Variants in PRKCH observed in about 807,000 individuals in gnomAD.
PRKCH encodes protein kinase C eta type.
In PRKCH, 28 loss-of-function variants were observed where a neutral mutation model predicts 82.5. That is an observed-to-expected ratio of 0.34 (90% CI 0.25 to 0.47). The LOEUF (loss-of-function observed/expected upper bound fraction) is 0.47. PRKCH is among the 20% of genes least tolerant of loss of function. The pLI is 1.00. For missense variants in PRKCH, 705 were observed against 881.8 expected, an observed-to-expected ratio of 0.80 and a Z score of 2.54; for synonymous variants, 322 against 327.4, an observed-to-expected ratio of 0.98 and a Z score of 0.18.
At position 61,322,339 on chromosome 14, in the gene PRKCH, G is replaced by T; in HGVS notation, c.238G>T (p.Gly80Cys). 6.2e-7 allele frequency: 1 copy of T among 1,613,174 alleles called. No homozygotes were observed. The highest frequency in any genetic ancestry group is 8.5e-7 in the Non-Finnish European group (1 of 1,179,894). ...GTTTTGCGCTAACGTCACCGACGGC[G>T]GCCACCTCGAGTTGGCCGTCTTCCA... ...EEFCANVTDG[G>C]HLELAVFHET... The change falls in exon 1 of 14, where the codon GGC (glycine) becomes TGC (cysteine). Residue 80 changes from glycine (G) to cysteine (C), a missense_variant. By Grantham distance (159) the Gly-to-Cys change is radical. Coordinates refer to ENST00000332981, the MANE Select transcript of PRKCH (RefSeq NM_006255.5).
chr14:61,217,681 CAGA>C (rs1185828047), intron 1 of PRKCH, among the ~76,000 whole-genome samples: 1 of 152,072 alleles, frequency 6.6e-6, no homozygotes, highest in East Asian at 1.9e-4. Flanking sequence ...TGATGTGTAC[CAGA>C]AGAAGTTGGG....
chr14:61,492,672 T>C (rs777143764), intron 10 of PRKCH, among the ~76,000 whole-genome samples: 2 of 152,238 alleles, frequency 1.3e-5, no homozygotes, highest in Non-Finnish European at 2.9e-5. Context: ...AGCTGCCACC[T>C]AGTGCCGGAT....
chr14:61,362,137 G>A (rs1465793898), intron 1 of PRKCH, among the ~76,000 whole-genome samples: 1 of 152,094 alleles, frequency 6.6e-6, no homozygotes, highest in Non-Finnish European at 1.5e-5. Context: ...AGGAGTCTGA[G>A]ACCACCCTGG....
chr14:61,432,924 T>TG (rs55860426), intron 2 of PRKCH, among the ~76,000 whole-genome samples: 144,464 of 146,480 alleles, frequency 0.99, 71,267 homozygotes, highest in Middle Eastern at 1. Context: ...AAAAAAAAAG[T>TG]GGGGGGGATA....
intron 2 of PRKCH, among the ~76,000 whole-genome samples, chr14:61,425,652 T>C (rs1237432672): frequency 6.6e-6 from 1 of 152,218 alleles, no homozygotes; most frequent in African/African-American, 2.4e-5. Flanking sequence ...ACTTTTGAGT[T>C]AATGCTGAAA....
rs773957084 is a variant in PRKCH at position 61,280,609 on chromosome 14, C to A, written c.-19+92941C>A. 2 of 1,585,154 alleles carry A rather than the reference C, an allele frequency of 1.3e-6. No homozygotes were observed. The highest frequency in any genetic ancestry group is 1.7e-6 in the Non-Finnish European group (2 of 1,166,026). On this transcript the variant is annotated intron_variant, in intron 1 of 3. Coordinates refer to the PRKCH transcript ENST00000555185. The surrounding 1 kb of genome is among the most constrained non-coding windows in gnomAD (Gnocchi z 5.0). ...CTCGACGTAGGGCCCGCCGGGCTGG[C>A]GCTGGTGCCAAAGCGAGAAGGAGTC...
At chr14:61,343,128 C>T (rs1284162767) in intron 1 of PRKCH, among the ~76,000 whole-genome samples, 1 of 152,200 alleles carries the variant, frequency 6.6e-6, no homozygotes, top group Non-Finnish European at 1.5e-5. Context: ...CTTAACTGGA[C>T]TTGACTTTCA....
intron 10 of PRKCH, among the ~76,000 whole-genome samples, chr14:61,492,808 C>T (rs1886508976): frequency 6.6e-6 from 1 of 152,150 alleles, no homozygotes; most frequent in Non-Finnish European, 1.5e-5. Flanking sequence ...TTGGAGTTTT[C>T]CCAGGGTATC....
chr14:61,246,411 G>GAAAA (rs56223735), intron 1 of PRKCH, among the ~76,000 whole-genome samples: 1 of 146,776 alleles, frequency 6.8e-6, no homozygotes, highest in Non-Finnish European at 1.5e-5. Flanking sequence ...CTGTCTCAAA[G>GAAAA]AAAAAAAAAA....
intron 1 of PRKCH, among the ~76,000 whole-genome samples, chr14:61,189,784 T>C (rs1483693268): frequency 2.6e-5 from 4 of 151,876 alleles, no homozygotes. Flanking sequence ...TCTGCCAAAA[T>C]GTAAAGCAAA....
chr14:61,223,982 T>C (rs1413850084), intron 1 of PRKCH, among the ~76,000 whole-genome samples: 1 of 152,218 alleles, frequency 6.6e-6, no homozygotes, highest in African/African-American at 2.4e-5. Flanking sequence ...TCATTCAACA[T>C]GTCCAAGCAG....
At chr14:61,395,290 G>GCCCCCCCCCCCCCCCCCCCCCC (rs5809093) in intron 2 of PRKCH, among the ~76,000 whole-genome samples, 1 of 124,258 alleles carries the variant, frequency 8.0e-6, no homozygotes, top group Non-Finnish European at 1.7e-5. Context: ...AGGAAATGGA[G>GCCCCCCCCCCCCCCCCCCCCCC]CCCCCCCCCG....
chr14:61,214,692 C>G (rs572307073), intron 1 of PRKCH, among the ~76,000 whole-genome samples: 1 of 152,228 alleles, frequency 6.6e-6, no homozygotes, highest in South Asian at 2.1e-4. Context: ...CTCTTTCTCT[C>G]CTGGTAGTGA....
At chr14:61,420,058 A>T (rs1264884873) in intron 2 of PRKCH, among the ~76,000 whole-genome samples, 1 of 152,166 alleles carries the variant, frequency 6.6e-6, no homozygotes, top group Admixed American at 6.5e-5. Flanking sequence ...TTCCGTGGTG[A>T]GTGGGCCAGC....
intron 10 of PRKCH, among the ~76,000 whole-genome samples, chr14:61,527,673 C>G (rs937424078): frequency 1.3e-5 from 2 of 152,154 alleles, no homozygotes; most frequent in African/African-American, 2.4e-5. Context: ...AAAATTCCTT[C>G]GTGTGACATT....
At chr14:61,245,809 G>A (rs2044874983) in intron 1 of PRKCH, among the ~76,000 whole-genome samples, 2 of 152,140 alleles carry the variant, frequency 1.3e-5, no homozygotes, top group African/African-American at 4.8e-5. Flanking sequence ...AAACCTAGTA[G>A]GTGTGAAAGA....
chr14:61,220,559 C>G (rs1158531662), intron 1 of PRKCH, among the ~76,000 whole-genome samples: 1 of 152,118 alleles, frequency 6.6e-6, no homozygotes, highest in African/African-American at 2.4e-5. Flanking sequence ...ACAAGAAGAC[C>G]AAGAATCATG....
intron 2 of PRKCH, among the ~76,000 whole-genome samples, chr14:61,425,637 T>C (rs1883066004): frequency 6.6e-6 from 1 of 152,216 alleles, no homozygotes; most frequent in African/African-American, 2.4e-5. Context: ...GACTTTGGAC[T>C]GTGGACTTTT....
chr14:61,269,185 G>C (rs1026066727), intron 1 of PRKCH, among the ~76,000 whole-genome samples: 33 of 151,882 alleles, frequency 2.2e-4, no homozygotes, highest in Non-Finnish European at 4.0e-4. Flanking sequence ...AGTTTTTTTA[G>C]AGAAAAAAGA....
Sources: gnomAD v4.1 joint callset for allele counts (sites outside exome capture counted in the v4.1 genomes callset) on GRCh38, gnomAD v4.1.1 for gene constraint, Gnocchi (gnomAD v3.1) non-coding constraint, MANE v1.5 for transcripts, NCBI Gene and HGNC (gene_info 2026-07-23, HGNC 2026-07-21) for gene names.